SP4: variants seen among roughly 807,000 people sequenced by gnomAD.
SP4 encodes the protein Sp4 transcription factor.
A neutral mutation model predicts 72.8 loss-of-function variants in SP4; 19 were observed. The observed-to-expected ratio is 0.26, with a 90% CI of 0.18 to 0.38. SP4 has a LOEUF of 0.38. SP4 is among the 10% of genes least tolerant of loss of function. The pLI is 1.00. For synonymous variants in SP4, 395 were observed against 333.1 expected (o/e 1.19, Z -2.02); for missense variants, 1,008 against 926.3 (o/e 1.09, Z -1.14).
intron 3 of SP4, among the ~76,000 whole-genome samples, chr7:21,436,216 C>G (rs568481609): frequency 2.6e-5 from 4 of 152,204 alleles, no homozygotes; most frequent in Admixed American, 6.5e-5. Context: ...GAGTTTTAAT[C>G]ATCTGCTTTT....
intron 3 of SP4, among the ~76,000 whole-genome samples, chr7:21,469,540 A>T (rs943557200): frequency 2.4e-5 from 3 of 127,442 alleles, no homozygotes; most frequent in African/African-American, 8.7e-5. Context: ...TTTAGTTATA[A>T]TTTTTTTTTT....
chr7:21,447,227 G>A (rs1443821242), intron 3 of SP4, among the ~76,000 whole-genome samples: 1 of 152,148 alleles, frequency 6.6e-6, no homozygotes, highest in African/African-American at 2.4e-5. Flanking sequence ...GTATAACCCT[G>A]TAATATAGAG....
intron 5 of SP4, among the ~76,000 whole-genome samples, chr7:21,492,967 A>G (rs1050813261): frequency 1.3e-5 from 2 of 152,222 alleles, no homozygotes; most frequent in African/African-American, 4.8e-5. Context: ...TGGGAGGCCA[A>G]GACAGGTGGA....
chr7:21,447,403 G>T (rs901931770), intron 3 of SP4, among the ~76,000 whole-genome samples: 2 of 152,184 alleles, frequency 1.3e-5, no homozygotes, highest in African/African-American at 4.8e-5. Context: ...CTTCTGGTTA[G>T]TGTGCCCCAG....
At chr7:21,499,079 CAAA>C (rs34565680) in intron 5 of SP4, among the ~76,000 whole-genome samples, 234 of 99,562 alleles carry the variant, frequency 2.4e-3, no homozygotes, top group African/African-American at 6.2e-3. Flanking sequence ...GACTCTGTCT[CAAA>C]AAAAAAAAAA....
At chr7:21,448,836 G>A (rs1783502250) in intron 3 of SP4, among the ~76,000 whole-genome samples, 1 of 151,992 alleles carries the variant, frequency 6.6e-6, no homozygotes, top group African/African-American at 2.4e-5. Flanking sequence ...ATATAACAAT[G>A]CTGGTATATA....
At chr7:21,487,749 GAT>G (rs547752856) in intron 5 of SP4, among the ~76,000 whole-genome samples, 91 of 89,298 alleles carry the variant, frequency 1.0e-3, no homozygotes, top group Middle Eastern at 7.0e-3. Context: ...AGTTGATGAT[GAT>G]GATGATGATG....
chr7:21,478,474 T>C (rs780162011), intron 4 of SP4, among the ~76,000 whole-genome samples: 2 of 150,768 alleles, frequency 1.3e-5, no homozygotes, highest in Non-Finnish European at 3.0e-5. Flanking sequence ...CTGTACCATT[T>C]AACATTTCCA....
At chr7:21,475,915 A>G (rs1784485743) in intron 3 of SP4, among the ~76,000 whole-genome samples, 1 of 152,202 alleles carries the variant, frequency 6.6e-6, no homozygotes, top group African/African-American at 2.4e-5. Flanking sequence ...GTCCATTCAC[A>G]TACTTGTTAT....
intron 3 of SP4, among the ~76,000 whole-genome samples, chr7:21,434,752 A>G (rs959299417): frequency 6.7e-6 from 1 of 149,554 alleles, no homozygotes; most frequent in African/African-American, 2.5e-5. Flanking sequence ...TTCCACCCTC[A>G]CCCTGCCCTC....
chr7:21,455,919 C>A (rs920719740), intron 3 of SP4, among the ~76,000 whole-genome samples: 1 of 152,174 alleles, frequency 6.6e-6, no homozygotes, highest in African/African-American at 2.4e-5. Flanking sequence ...GCTTTTCCAG[C>A]TAACTGCCAC....
At chr7:21,438,005 C>CT (rs778336243) in intron 3 of SP4, among the ~76,000 whole-genome samples, 3,651 of 140,318 alleles carry the variant, frequency 0.026, 147 homozygotes, top group African/African-American at 0.083. Flanking sequence ...ATATGAGGGG[C>CT]TTTTTTTTTT....
chr7:21,450,182 G>T (rs1583394524), intron 3 of SP4, among the ~76,000 whole-genome samples: 1 of 152,150 alleles, frequency 6.6e-6, no homozygotes, highest in South Asian at 2.1e-4. Context: ...TTTAAGCCAG[G>T]TACTTCATTG....
intron 3 of SP4, among the ~76,000 whole-genome samples, chr7:21,441,696 C>T (rs1463367073): frequency 1.3e-5 from 2 of 152,192 alleles, no homozygotes; most frequent in African/African-American, 4.8e-5. Context: ...ACAGTGGTCC[C>T]TAGAAAGGCT....
At chr7:21,450,732 C>A (rs1209019850) in intron 3 of SP4, among the ~76,000 whole-genome samples, 1 of 152,188 alleles carries the variant, frequency 6.6e-6, no homozygotes, top group South Asian at 2.1e-4. Context: ...ATACTACATA[C>A]TAGCTTGTTA....
intron 3 of SP4, among the ~76,000 whole-genome samples, chr7:21,453,041 G>C (rs983537808): frequency 6.6e-6 from 1 of 152,136 alleles, no homozygotes; most frequent in Non-Finnish European, 1.5e-5. Flanking sequence ...GCCTCCCAAA[G>C]AGCTGGGATT....
intron 3 of SP4, among the ~76,000 whole-genome samples, chr7:21,449,860 CT>C (rs71700893): frequency 0.035 from 5,326 of 152,176 alleles, 183 homozygotes; most frequent in African/African-American, 0.078. Context: ...ATAGGCAAGT[CT>C]TTTCTTCTTG....
chr7:21,436,985 A>G (rs901275937), intron 3 of SP4, among the ~76,000 whole-genome samples: 1 of 152,082 alleles, frequency 6.6e-6, no homozygotes, highest in Non-Finnish European at 1.5e-5. Flanking sequence ...TTTCTACTGC[A>G]TTTTTGGGTT....
chr7:21,476,386 TGAA>T (rs1407670315), intron 3 of SP4, among the ~76,000 whole-genome samples: 1 of 151,960 alleles, frequency 6.6e-6, no homozygotes, highest in Non-Finnish European at 1.5e-5. Flanking sequence ...TTTCCCAAAG[TGAA>T]GAAGCCAAGC....
Sources: allele counts gnomAD v4.1 joint callset (sites outside exome capture counted in the v4.1 genomes callset), GRCh38; gene constraint gnomAD v4.1.1; transcripts MANE v1.5; gene names NCBI Gene and HGNC (gene_info 2026-07-23, HGNC 2026-07-21).